MPDZ: variants seen among roughly 807,000 people sequenced by gnomAD.
MPDZ encodes the protein multiple PDZ domain protein.
MPDZ carries 234 observed loss-of-function variants against 239.1 expected under a neutral mutation model. That is an observed-to-expected ratio of 0.98 (90% CI 0.88 to 1.09). The LOEUF is 1.09. MPDZ is among the 50% of genes least tolerant of loss of function. The probability of loss-of-function intolerance (pLI) is 0.00; values close to 1 mark genes in which losing one functional copy is unlikely to be tolerated. For missense variants in MPDZ, 3,175 were observed against 2,510.0 expected, an observed-to-expected ratio of 1.26 and a Z score of -5.66; for synonymous variants, 1,048 against 881.3, an observed-to-expected ratio of 1.19 and a Z score of -3.35.
rs776888637 is a variant in MPDZ at position 13,150,621 on chromosome 9, TC to T, written c.3519del (p.Ser1174ValfsTer3). 2.6e-6 allele frequency: 4 copies of T among 1,532,256 alleles called. No homozygotes were observed. Among genetic ancestry groups the T allele is most frequent in the Non-Finnish European group, 3.5e-6 (4 of 1,137,196 alleles). The allele number at this position is 1,532,256 out of a possible 1,614,324, so 94.9% of individuals were successfully genotyped here. ...GISIVGGRGM[G>X]SRLSNGEVMR... ...ATCACTTCTCCATTGCTTAGCCGACTCCCCATCCCTCGTCCACCAACAATGC... is the reference window on the plus strand; with the variant it reads ...ATCACTTCTCCATTGCTTAGCCGACTCCCATCCCTCGTCCACCAACAATGC... On this transcript the variant is annotated frameshift_variant, in exon 25 of 47. Transcript: ENST00000319217. LOFTEE classifies it high-confidence loss of function.
intron 3 of MPDZ, among the ~76,000 whole-genome samples, chr9:13,231,383 T>C (rs1023621942): frequency 1.3e-5 from 2 of 151,958 alleles, no homozygotes; most frequent in African/African-American, 2.4e-5. Flanking sequence ...CTGGCCAACA[T>C]GGCAAAAACC....
chr9:13,241,612 A>T (rs1965423388), intron 3 of MPDZ, among the ~76,000 whole-genome samples: 1 of 152,192 alleles, frequency 6.6e-6, no homozygotes, highest in Non-Finnish European at 1.5e-5. Flanking sequence ...GAAGAGAGGG[A>T]AACACAGGCA....
chr9:13,270,686 T>C (rs1330853798), intron 1 of MPDZ, among the ~76,000 whole-genome samples: 1 of 152,216 alleles, frequency 6.6e-6, no homozygotes, highest in Non-Finnish European at 1.5e-5. Context: ...TTCTGCTTTT[T>C]TCTTCACTGT....
intron 32 of MPDZ, among the ~76,000 whole-genome samples, chr9:13,133,206 A>G (rs1480952419): frequency 1.3e-5 from 2 of 152,210 alleles, no homozygotes; most frequent in Non-Finnish European, 2.9e-5. Flanking sequence ...AAAGGGAAAG[A>G]GGAAGATGTC....
At chr9:13,170,729 G>T (rs565756041) in intron 21 of MPDZ, among the ~76,000 whole-genome samples, 2 of 152,140 alleles carry the variant, frequency 1.3e-5, no homozygotes, top group Admixed American at 1.3e-4. Flanking sequence ...TGGCCAACAT[G>T]ATCTCTGAAT....
intron 16 of MPDZ, 129 bp from the exon 17 acceptor site, chr9:13,189,122 A>AT (rs1954554091): frequency 6.7e-6 from 5 of 745,408 alleles, no homozygotes; most frequent in Admixed American, 5.9e-5. Context: ...GCCAAAAAAA[A>AT]TCCATACAAA....
chr9:13,176,518 T>A, intron 19 of MPDZ, 101 bp from the exon 20 acceptor site: 1 of 986,754 alleles, frequency 1.0e-6, no homozygotes, highest in Non-Finnish European at 1.4e-6. Context: ...TAGTGAAATG[T>A]AAAACATAAC....
At position 13,158,100 on chromosome 9, in the gene MPDZ, C is replaced by G. The variant is rs777557779; in HGVS notation, c.3370G>C (p.Glu1124Gln). ...FSSYTGRDIP[E>Q]LPEREEGEGE... ...TCTCCCTCTTCTCGCTCTGGTAATTCTGGAATGTCTCTGGTTAAAGAATTA... is the reference window on the plus strand; with the variant it reads ...TCTCCCTCTTCTCGCTCTGGTAATTGTGGAATGTCTCTGGTTAAAGAATTA... Residue 1124 changes from glutamate to glutamine, a missense_variant, in exon 24 of 47, where the codon GAA becomes CAA. Transcript: ENST00000319217. 3 of 1,612,362 alleles carry G rather than the reference C, an allele frequency of 1.9e-6. No individual in the cohort carries two copies. Among genetic ancestry groups the G allele is most frequent in the Non-Finnish European group, 1.7e-6 (2 of 1,179,034 alleles).
At chr9:13,116,956 G>C (rs1446395405) in intron 39 of MPDZ, among the ~76,000 whole-genome samples, 1 of 151,956 alleles carries the variant, frequency 6.6e-6, no homozygotes, top group African/African-American at 2.4e-5. Flanking sequence ...TTTATTATAG[G>C]GGGGAATATG....
chr9:13,261,051 G>A (rs924187245), intron 1 of MPDZ, among the ~76,000 whole-genome samples: 1 of 152,176 alleles, frequency 6.6e-6, no homozygotes, highest in African/African-American at 2.4e-5. Context: ...TGAAAAACAT[G>A]AATGGACTAC....
chr9:13,258,732 G>T (rs191074878), intron 1 of MPDZ, among the ~76,000 whole-genome samples: 1 of 151,760 alleles, frequency 6.6e-6, no homozygotes, highest in African/African-American at 2.4e-5. Context: ...CATTTTTATA[G>T]GCTTTGATCA....
chr9:13,219,164 G>C (rs1347395427), intron 8 of MPDZ, among the ~76,000 whole-genome samples: 3 of 151,648 alleles, frequency 2.0e-5, no homozygotes, highest in Admixed American at 2.0e-4. Context: ...AATACTAATG[G>C]GAAAGTTGAT....
chr9:13,218,107 A>G (rs1193739332), intron 8 of MPDZ, among the ~76,000 whole-genome samples: 1 of 151,872 alleles, frequency 6.6e-6, no homozygotes, highest in African/African-American at 2.4e-5. Flanking sequence ...GGTTGGGGCT[A>G]GCTGATGTTT....
At chr9:13,164,679 C>G (rs567687204) in intron 22 of MPDZ, among the ~76,000 whole-genome samples, 2 of 151,746 alleles carry the variant, frequency 1.3e-5, no homozygotes, top group Non-Finnish European at 2.9e-5. Context: ...TTTATTTTAC[C>G]GAAAGGTGAG....
At position 13,176,408 on chromosome 9, in the gene MPDZ, C is replaced by A; in HGVS notation, c.2659G>T (p.Glu887Ter). Reference protein sequence around the residue: ...LPSSPPKDVIENSCDPVLDLH... With the variant: ...LPSSPPKDVI The stretch of plus-strand genomic sequence containing the variant: ...TCAAGTACTGGATCACAAGAATTTT[C>A]AATAACATCCTGGTAGTTAAAAAAC... Residue 887 changes from glutamate (E) to a stop codon, truncating the protein, a stop_gained, in exon 20 of 47, where the codon GAA becomes TAA. Coordinates refer to ENST00000319217, the MANE Select transcript of MPDZ (RefSeq NM_001378778.1). LOFTEE classifies it high-confidence loss of function. 6.4e-7 allele frequency: 1 copy of A among 1,565,938 alleles called. No individual in the cohort carries two copies. Among genetic ancestry groups the A allele is most frequent in the East Asian group, 2.3e-5 (1 of 43,862 alleles).
At chr9:13,245,611 T>C (rs1316460908) in intron 3 of MPDZ, among the ~76,000 whole-genome samples, 1 of 152,130 alleles carries the variant, frequency 6.6e-6, no homozygotes. Flanking sequence ...GAGCCCAAAG[T>C]CCAAAAACAT....
Position 13,192,205 on chromosome 9 carries a change from G to A in MPDZ, c.1894C>T (p.Arg632Cys), listed in dbSNP as rs755060398. ...TGGGTGGTGGGTGGCACAGTTCGAC[G>A]ACAGCACACCATTGTCACTTCTATA... The part of the protein sequence containing the change: ...LPIEVTMVCC[R>C]RTVPPTTQSE... Residue 632 changes from arginine to cysteine, a missense_variant, in exon 15 of 47, where the codon CGT becomes TGT. Transcript: ENST00000319217. 96 of 1,610,562 alleles carry A rather than the reference G, an allele frequency of 6.0e-5. 1 individual carries two copies. The Middle Eastern group carries it at 6.6e-4, about 11-fold the overall frequency.
rs558809461 is a variant in MPDZ, at chr9:13,267,118, C to T, written c.-58+12282G>A. 2.6e-5 allele frequency among the ~76,000 whole-genome samples: 4 copies of T among 152,284 alleles called. No homozygotes were observed. In the South Asian group the frequency reaches 6.2e-4, roughly 24 times the overall value. ...CTATTATTTGGGGTTCTTAAAAATG[C>T]TATTCAATAACAACTAATAATAAAA... On this transcript the variant is annotated intron_variant, in intron 1 of 46. Transcript: ENST00000319217.
intron 3 of MPDZ, among the ~76,000 whole-genome samples, chr9:13,228,489 G>GA (rs1961337072): frequency 6.6e-6 from 1 of 151,816 alleles, no homozygotes; most frequent in Non-Finnish European, 1.5e-5. Flanking sequence ...AAGTAAAGCA[G>GA]AAAAAATAAC....
Sources: allele counts gnomAD v4.1 joint callset (sites outside exome capture counted in the v4.1 genomes callset), GRCh38; gene constraint gnomAD v4.1.1; transcripts MANE v1.5; gene names NCBI Gene and HGNC (gene_info 2026-07-23, HGNC 2026-07-21).